CRACD: variants seen among roughly 807,000 people sequenced by gnomAD.
CRACD encodes the protein capping protein-inhibiting regulator of actin dynamics.
Under a neutral mutation model 106.8 loss-of-function variants are expected in CRACD, and 56 were observed. That is an observed-to-expected ratio of 0.52 (90% CI 0.42 to 0.66). The LOEUF (loss-of-function observed/expected upper bound fraction) is 0.66. CRACD is among the 30% of genes least tolerant of loss of function. The probability of loss-of-function intolerance (pLI) is 0.00; values close to 1 mark genes in which losing one functional copy is unlikely to be tolerated. For synonymous variants in CRACD, 754 were observed against 670.8 expected, an observed-to-expected ratio of 1.12 and a Z score of -1.92; for missense variants, 1,730 against 1,623.2, an observed-to-expected ratio of 1.07 and a Z score of -1.13.
At chr4:56,103,440 G>C (rs1733845831) in intron 1 of CRACD, among the ~76,000 whole-genome samples, 2 of 152,186 alleles carry the variant, frequency 1.3e-5, no homozygotes, top group South Asian at 4.2e-4. Flanking sequence ...TAACTTAGAG[G>C]GGAAAACCTC....
intron 2 of CRACD, among the ~76,000 whole-genome samples, chr4:56,242,568 T>A (rs1391376980): frequency 6.6e-6 from 1 of 152,110 alleles, no homozygotes; most frequent in Non-Finnish European, 1.5e-5. Flanking sequence ...AGGTCAAATC[T>A]GCGTTCCTGC....
chr4:56,287,658 T>C (rs894808862), intron 3 of CRACD, among the ~76,000 whole-genome samples: 3 of 152,212 alleles, frequency 2.0e-5, no homozygotes, highest in East Asian at 3.9e-4. Flanking sequence ...AACTCCTGGG[T>C]TCAAACTATT....
Position 56,165,201 on chromosome 4 carries a change from C to T in CRACD, c.-335-14083C>T, listed in dbSNP as rs541621590. Among the ~76,000 whole-genome samples, 17 of 151,806 alleles carry T rather than the reference C, an allele frequency of 1.1e-4. No individual in the cohort carries two copies. The South Asian group carries it at 3.5e-3, about 32-fold the overall frequency. On this transcript the variant is annotated intron_variant, in intron 1 of 10. Transcript: ENST00000682029. ...AAGGTGCAGACTGCAGGCACTTTAG[C>T]AGACACATTACTGCCTTCAGTGATG...
intron 2 of CRACD, among the ~76,000 whole-genome samples, chr4:56,221,623 A>G (rs1739035858): frequency 6.6e-6 from 1 of 152,182 alleles, no homozygotes; most frequent in Non-Finnish European, 1.5e-5. Context: ...AAGGACTCAT[A>G]TTCAGAATCT....
At chr4:56,135,101 G>A (rs184739611) in intron 1 of CRACD, among the ~76,000 whole-genome samples, 124 of 152,212 alleles carry the variant, frequency 8.1e-4, no homozygotes, top group Non-Finnish European at 1.2e-3. Flanking sequence ...GGCCAAGATG[G>A]TGAAACCCCA....
rs12374223 is a variant in CRACD, at chr4:56,285,778, C to G, written c.-16-12436C>G. Among the ~76,000 whole-genome samples, 5 of 152,218 alleles carry G rather than the reference C, an allele frequency of 3.3e-5. No homozygotes were observed. In the South Asian group the frequency reaches 1.0e-3, roughly 32 times the overall value. On this transcript the variant is annotated intron_variant, in intron 3 of 10. Transcript: ENST00000682029. ...TGTTTTACATATCATAAATTTAATTCTAATGAAAGCCCTGTGAGGTAGGTC... is the reference window on the plus strand; with the variant it reads ...TGTTTTACATATCATAAATTTAATTGTAATGAAAGCCCTGTGAGGTAGGTC...
At chr4:56,236,172 G>T (rs1739958004) in intron 2 of CRACD, among the ~76,000 whole-genome samples, 1 of 152,138 alleles carries the variant, frequency 6.6e-6, no homozygotes, top group Non-Finnish European at 1.5e-5. Context: ...GTCCTTAAAA[G>T]GGGGACTTTG....
intron 3 of CRACD, chr4:56,288,384 G>GC (rs1446950472): frequency 1.7e-5 from 4 of 233,216 alleles, no homozygotes; most frequent in Non-Finnish European, 1.7e-5. Flanking sequence ...ATCAGCTCTT[G>GC]CCCCCCGCTC....
intron 1 of CRACD, among the ~76,000 whole-genome samples, chr4:56,129,213 C>CT (rs763973363): frequency 5.9e-5 from 9 of 152,176 alleles, no homozygotes; most frequent in Non-Finnish European, 7.3e-5. Flanking sequence ...GTAACTGGGA[C>CT]TACAGGCGCA....
chr4:56,216,450 G>C (rs967360873), intron 2 of CRACD, among the ~76,000 whole-genome samples: 1 of 152,136 alleles, frequency 6.6e-6, no homozygotes, highest in African/African-American at 2.4e-5. Context: ...GTGTATTGAA[G>C]ATACAGCTGT....
Position 56,262,486 on chromosome 4 carries a change from A to G in CRACD, c.-188-9835A>G, listed in dbSNP as rs569185346. Among the ~76,000 whole-genome samples the G allele has an allele frequency of 2.6e-5, 4 of 151,922 alleles. No homozygotes were observed. The East Asian group carries it at 5.8e-4, about 22-fold the overall frequency. Reference sequence around the variant, plus strand: ...CAGCCAGCCCCACACAAATTCATAAACTTTCTTAAAACATTATGAGATTTT... The same window carrying G: ...CAGCCAGCCCCACACAAATTCATAAGCTTTCTTAAAACATTATGAGATTTT... On this transcript the variant is annotated intron_variant, in intron 2 of 10. Transcript: ENST00000682029.
chr4:56,185,993 C>T (rs1182433676), intron 2 of CRACD, among the ~76,000 whole-genome samples: 1 of 152,214 alleles, frequency 6.6e-6, no homozygotes, highest in Non-Finnish European at 1.5e-5. Context: ...TGATCACACC[C>T]ATCCCTCCTT....
intron 1 of CRACD, among the ~76,000 whole-genome samples, chr4:56,122,025 A>G (rs2109854864): frequency 6.6e-6 from 1 of 152,048 alleles, no homozygotes; most frequent in East Asian, 1.9e-4. Flanking sequence ...AAAATTCTCT[A>G]TAGGCAGGCA....
rs1745605602 is a variant in CRACD at position 56,315,923 on chromosome 4, G to A, written c.2421G>A (p.Pro807=). Residue 807 remains proline, a synonymous_variant, in exon 8 of 11, where the codon CCG becomes CCA. Coordinates refer to ENST00000682029, the MANE Select transcript of CRACD (RefSeq NM_001393381.1). The surrounding 1 kb of genome is among the most constrained non-coding windows in gnomAD (Gnocchi z 4.1). The part of the protein sequence containing the change: ...SFLVPSLPYP[P]QKVVAHTEFT... The stretch of plus-strand genomic sequence containing the variant: ...TTGTCCCAAGCCTTCCTTACCCTCC[G>A]CAGAAAGTGGTGGCCCACACAGAGT... The A allele has an allele frequency of 1.2e-6, 2 of 1,614,074 alleles. No homozygotes were observed. The highest frequency in any genetic ancestry group is 1.7e-5 in the Admixed American group (1 of 60,012).
chr4:56,310,798 CTT>C (rs370254619), intron 6 of CRACD, 64 bp downstream of exon 6: 9,068 of 791,444 alleles, frequency 0.011, 44 homozygotes, highest in Non-Finnish European at 0.012. Flanking sequence ...TTCCCCCCCC[CTT>C]TTTTTTTTTT....
intron 2 of CRACD, among the ~76,000 whole-genome samples, chr4:56,201,287 G>C (rs182798988): frequency 1.3e-5 from 2 of 152,092 alleles, no homozygotes; most frequent in African/African-American, 4.8e-5. Flanking sequence ...AAAATAAACC[G>C]TCTCTCTTTA....
At chr4:56,149,457 T>C (rs1242171118) in intron 1 of CRACD, among the ~76,000 whole-genome samples, 1 of 152,248 alleles carries the variant, frequency 6.6e-6, no homozygotes, top group Non-Finnish European at 1.5e-5. Flanking sequence ...AGATTTCTTT[T>C]GTGACATTTC....
At chr4:56,077,936 G>T (rs1264106013) in intron 1 of CRACD, among the ~76,000 whole-genome samples, 1 of 152,140 alleles carries the variant, frequency 6.6e-6, no homozygotes, top group Non-Finnish European at 1.5e-5. Flanking sequence ...GCTGGGTTTT[G>T]AAAGGAATGC....
chr4:56,239,787 C>T (rs987298836), intron 2 of CRACD, among the ~76,000 whole-genome samples: 1 of 152,178 alleles, frequency 6.6e-6, no homozygotes, highest in Non-Finnish European at 1.5e-5. Flanking sequence ...CCCCCGCTCC[C>T]ACCCCCTGCC....
Sources: allele counts gnomAD v4.1 joint callset (sites outside exome capture counted in the v4.1 genomes callset), GRCh38; gene constraint gnomAD v4.1.1; non-coding constraint Gnocchi (gnomAD v3.1); transcripts MANE v1.5; gene names NCBI Gene and HGNC (gene_info 2026-07-23, HGNC 2026-07-21).